The following ULK4 variants were observed in gnomAD, a reference collection of about 807,000 sequenced individuals.
ULK4 encodes the protein unc-51 like kinase 4, also known as inactive serine/threonine-protein kinase ULK4.
A neutral mutation model predicts 160.6 loss-of-function variants in ULK4; 133 were observed. The observed-to-expected ratio is 0.83, with a 90% CI of 0.72 to 0.96. The LOEUF (loss-of-function observed/expected upper bound fraction) is 0.96. Among genes scored for constraint, ULK4 ranks in the 40% least tolerant of loss-of-function variants. The pLI, the probability that ULK4 is intolerant of heterozygous loss-of-function variation, is 0.00. For missense variants in ULK4, 1,580 were observed against 1,499.5 expected (o/e 1.05, Z -0.89); for synonymous variants, 534 against 539.8 (o/e 0.99, Z 0.15).
Position 41,507,170 on chromosome 3 carries a change from A to G in ULK4, c.3227-43917T>C, listed in dbSNP as rs1437831843. On this transcript the variant is annotated intron_variant, in intron 32 of 36. Coordinates refer to ENST00000301831, the MANE Select transcript of ULK4 (RefSeq NM_017886.4). The stretch of plus-strand genomic sequence containing the variant: ...AATAGAATTATACATAATACTAATA[A>G]CCAGGAGCAAAAAAAAAAAAAAAAA... 1.3e-3 allele frequency among the ~76,000 whole-genome samples: 154 copies of G among 120,788 alleles called. 1 individual carries two copies. Among genetic ancestry groups the G allele is most frequent in the African/African-American group, 4.4e-3 (147 of 33,722 alleles). The allele number at this position is 120,788 out of a possible 152,430, so 79.2% of individuals were successfully genotyped here. A position where few individuals can be genotyped will look rare whatever the true frequency, so the allele number is the denominator to read the frequency against.
At chr3:41,824,911 C>T (rs1202378128) in intron 18 of ULK4, among the ~76,000 whole-genome samples, 2 of 152,192 alleles carry the variant, frequency 1.3e-5, no homozygotes, top group South Asian at 2.1e-4. Flanking sequence ...TGGGAGGCAC[C>T]CCCAGTAGGG....
rs368423960 is a variant in ULK4, at chr3:41,369,905, GA to G, written c.3678+28173del. ...AAAACCTGCCCAGGCCAGGAAAAAA[GA>G]AAAAAAAAATCTATTTTGCCACCCA... On this transcript the variant is annotated intron_variant, in intron 35 of 36. Transcript: ENST00000301831. 3.0e-3 allele frequency among the ~76,000 whole-genome samples: 439 copies of G among 144,666 alleles called. 3 individuals carry two copies. The highest frequency in any genetic ancestry group is 7.2e-3 in the East Asian group (36 of 5,012). The allele number at this position is 144,666 out of a possible 152,430, so 94.9% of individuals were successfully genotyped here. A position where few individuals can be genotyped will look rare whatever the true frequency, so the allele number is the denominator to read the frequency against.
At chr3:41,921,339 C>T (rs566869171) in intron 5 of ULK4, among the ~76,000 whole-genome samples, 5 of 151,792 alleles carry the variant, frequency 3.3e-5, no homozygotes, top group South Asian at 2.1e-4. Context: ...GGGCCGGGCA[C>T]GGTGGCTCAC....
At chr3:41,406,525 A>G (rs1175050224) in intron 34 of ULK4, among the ~76,000 whole-genome samples, 2 of 152,202 alleles carry the variant, frequency 1.3e-5, no homozygotes, top group African/African-American at 4.8e-5. Flanking sequence ...CTTGATAGGA[A>G]TAGCGTTGAA....
intron 35 of ULK4, among the ~76,000 whole-genome samples, chr3:41,304,273 CAAA>C (rs368282598): frequency 1.1e-5 from 1 of 89,740 alleles, no homozygotes; most frequent in African/African-American, 5.1e-5. Flanking sequence ...AGCTCCCCCT[CAAA>C]AAAAAAAAAA....
chr3:41,824,341 C>T (rs148343125), intron 18 of ULK4, among the ~76,000 whole-genome samples: 7,790 of 151,774 alleles, frequency 0.051, 654 homozygotes, highest in African/African-American at 0.17. Context: ...TGCAGCACAC[C>T]GAGCATAAGA....
chr3:41,768,706 T>C (rs1020525541), intron 21 of ULK4, among the ~76,000 whole-genome samples: 5 of 152,292 alleles, frequency 3.3e-5, no homozygotes, highest in South Asian at 2.1e-4. Flanking sequence ...AAATAACCTA[T>C]TGTCCTTGTC....
intron 35 of ULK4, among the ~76,000 whole-genome samples, chr3:41,340,765 T>A (rs2080665479): frequency 6.6e-6 from 1 of 152,242 alleles, no homozygotes; most frequent in Admixed American, 6.5e-5. Context: ...TCGTCTCTGA[T>A]GTGCTATGAT....
At chr3:41,501,039 A>G (rs190114281) in intron 32 of ULK4, among the ~76,000 whole-genome samples, 1 of 152,340 alleles carries the variant, frequency 6.6e-6, no homozygotes, top group Admixed American at 6.5e-5. Flanking sequence ...ATACAAATTA[A>G]GACCATAATG....
chr3:41,935,012 T>C (rs909512521), intron 4 of ULK4, among the ~76,000 whole-genome samples: 4 of 133,308 alleles, frequency 3.0e-5, no homozygotes, highest in Non-Finnish European at 6.2e-5. Flanking sequence ...TCCTTTTATT[T>C]ATTAATTTTT....
chr3:41,293,294 C>A (rs1263880492), intron 35 of ULK4, among the ~76,000 whole-genome samples: 1 of 151,804 alleles, frequency 6.6e-6, no homozygotes, highest in Non-Finnish European at 1.5e-5. Context: ...ACAAAAAAAA[C>A]ATGAAAAACA....
chr3:41,884,980 C>G (rs569488499), intron 16 of ULK4, among the ~76,000 whole-genome samples: 55 of 152,292 alleles, frequency 3.6e-4, no homozygotes, highest in Non-Finnish European at 6.6e-4. Context: ...CTCAACCCCC[C>G]CAGCTAGCTG....
chr3:41,408,490 A>G (rs9870486), intron 34 of ULK4, among the ~76,000 whole-genome samples: 85,702 of 150,372 alleles, frequency 0.57, 25,970 homozygotes, highest in African/African-American at 0.8. Flanking sequence ...AACTTCCCAC[A>G]TTCATACATC....
chr3:41,911,260 C>T (rs1260624098), intron 11 of ULK4, 57 bp downstream of exon 11: 17 of 1,552,762 alleles, frequency 1.1e-5, no homozygotes, highest in East Asian at 9.0e-5. Context: ...ATAGCAGATG[C>T]TTTAAGAAAA....
intron 21 of ULK4, among the ~76,000 whole-genome samples, chr3:41,756,503 C>A: frequency 6.6e-6 from 1 of 152,038 alleles, no homozygotes; most frequent in East Asian, 1.9e-4. Context: ...CACTGAATAC[C>A]CTCAACACTC....
chr3:41,941,306 G>C (rs1447286255), intron 2 of ULK4, among the ~76,000 whole-genome samples: 1 of 135,760 alleles, frequency 7.4e-6, no homozygotes, highest in Non-Finnish European at 1.5e-5. Context: ...CCAAAGTGCT[G>C]GGATTACAGG....
intron 35 of ULK4, among the ~76,000 whole-genome samples, chr3:41,274,107 G>A (rs923471729): frequency 3.9e-5 from 6 of 152,108 alleles, no homozygotes; most frequent in African/African-American, 1.4e-4. Context: ...GCAGTAAGCT[G>A]AGGCAATCAT....
chr3:41,303,637 G>T (rs2079841614), intron 35 of ULK4, among the ~76,000 whole-genome samples: 1 of 152,184 alleles, frequency 6.6e-6, no homozygotes, highest in Non-Finnish European at 1.5e-5. Context: ...GGGGTTTCCT[G>T]TGCCAGGGAG....
intron 32 of ULK4, among the ~76,000 whole-genome samples, chr3:41,516,533 A>G (rs2085753593): frequency 6.6e-6 from 1 of 152,176 alleles, no homozygotes; most frequent in Non-Finnish European, 1.5e-5. Context: ...ATTTGCAACA[A>G]CATGGATGGA....
Sources: gnomAD v4.1 joint callset for allele counts (sites outside exome capture counted in the v4.1 genomes callset) on GRCh38, gnomAD v4.1.1 for gene constraint, MANE v1.5 for transcripts, NCBI Gene and HGNC (gene_info 2026-07-23, HGNC 2026-07-21) for gene names.